Variants in DEPTOR observed in about 807,000 individuals in gnomAD.
The protein encoded by DEPTOR is DEP domain-containing mTOR-interacting protein.
In DEPTOR, 41 loss-of-function variants were observed where a neutral mutation model predicts 41.6. The observed-to-expected ratio is 0.98, with a 90% CI of 0.77 to 1.28. DEPTOR has a LOEUF of 1.28. DEPTOR is among the 50% of genes most tolerant of loss of function. The pLI, the probability that DEPTOR is intolerant of heterozygous loss-of-function variation, is 0.00. For missense variants in DEPTOR, 514 were observed against 527.9 expected, an observed-to-expected ratio of 0.97 and a Z score of 0.26; for synonymous variants, 195 against 192.3, an observed-to-expected ratio of 1.01 and a Z score of -0.12.
At chr8:119,978,836 C>A (rs1828728240) in intron 4 of DEPTOR, among the ~76,000 whole-genome samples, 1 of 152,204 alleles carries the variant, frequency 6.6e-6, no homozygotes, top group Non-Finnish European at 1.5e-5. Flanking sequence ...GAGCCGCTCA[C>A]TATAATTCAG....
intron 3 of DEPTOR, among the ~76,000 whole-genome samples, chr8:119,939,834 G>A (rs541797588): frequency 5.9e-4 from 90 of 152,250 alleles, no homozygotes; most frequent in South Asian, 2.9e-3. Context: ...AGTAAGTGGG[G>A]AAATTAGAAC....
chr8:119,931,749 G>T (rs1190834047), intron 3 of DEPTOR, among the ~76,000 whole-genome samples: 1 of 152,050 alleles, frequency 6.6e-6, no homozygotes, highest in Non-Finnish European at 1.5e-5. Flanking sequence ...ACCTCCATTT[G>T]TTTACTTGAA....
At chr8:120,011,019 C>T (rs778769379) in intron 8 of DEPTOR, among the ~76,000 whole-genome samples, 4 of 152,094 alleles carry the variant, frequency 2.6e-5, no homozygotes, top group African/African-American at 4.8e-5. Flanking sequence ...AAGATCATTC[C>T]CCTGTTCATT....
chr8:119,995,518 G>A (rs1475734069), intron 4 of DEPTOR, among the ~76,000 whole-genome samples: 3 of 151,612 alleles, frequency 2.0e-5, no homozygotes, highest in African/African-American at 4.8e-5. Context: ...CCCAGGAGGC[G>A]GAGGTTGCAG....
chr8:119,902,923 GT>G (rs34627910), intron 1 of DEPTOR, among the ~76,000 whole-genome samples: 32,880 of 151,950 alleles, frequency 0.22, 4,098 homozygotes, highest in African/African-American at 0.32. Flanking sequence ...AAATTTCAGG[GT>G]TTTTAGACAC....
chr8:120,003,441 A>T (rs967080724), intron 6 of DEPTOR, among the ~76,000 whole-genome samples: 1 of 152,058 alleles, frequency 6.6e-6, no homozygotes, highest in African/African-American at 2.4e-5. Flanking sequence ...TGCCCCTGGG[A>T]GGAGGGCATG....
chr8:120,014,393 G>A (rs1410432217), intron 8 of DEPTOR, among the ~76,000 whole-genome samples: 1 of 152,096 alleles, frequency 6.6e-6, no homozygotes, highest in Non-Finnish European at 1.5e-5. Context: ...AGGCTCTTTC[G>A]CTACAGGAGC....
rs779915043 is a variant in DEPTOR at position 119,873,980 on chromosome 8, G to A, written c.122+12G>A. ...GGGGAACAGCTACGGTAAGGCAAGA[G>A]ACACAGCGGGTGAGCTCACGATGGC... On this transcript the variant is annotated intron_variant, in intron 1 of 8. Coordinates refer to ENST00000286234, the MANE Select transcript of DEPTOR (RefSeq NM_022783.4). 4 of 1,613,204 alleles carry A rather than the reference G, an allele frequency of 2.5e-6. No homozygotes were observed. The South Asian group carries it at 4.4e-5, about 18-fold the overall frequency.
intron 4 of DEPTOR, among the ~76,000 whole-genome samples, chr8:119,988,729 C>G (rs185228245): frequency 3.3e-5 from 5 of 152,056 alleles, no homozygotes; most frequent in Non-Finnish European, 5.9e-5. Context: ...GCGAACTGCC[C>G]GCCTCGGGTC....
chr8:119,879,818 T>A (rs1310059397), intron 1 of DEPTOR, among the ~76,000 whole-genome samples: 1 of 152,064 alleles, frequency 6.6e-6, no homozygotes, highest in Non-Finnish European at 1.5e-5. Context: ...AAGACCAGCC[T>A]GACCAACATG....
intron 1 of DEPTOR, among the ~76,000 whole-genome samples, chr8:119,904,687 G>T (rs560372671): frequency 6.6e-6 from 1 of 151,114 alleles, no homozygotes; most frequent in African/African-American, 2.4e-5. Flanking sequence ...GTAGAGACGG[G>T]GTTTCACCAT....
chr8:119,996,635 A>C (rs970974651), intron 4 of DEPTOR, among the ~76,000 whole-genome samples: 2 of 152,246 alleles, frequency 1.3e-5, no homozygotes, highest in African/African-American at 2.4e-5. Flanking sequence ...GAGGAGATAC[A>C]TAATTAGGTC....
intron 1 of DEPTOR, among the ~76,000 whole-genome samples, chr8:119,922,292 T>C (rs1185393501): frequency 1.3e-5 from 2 of 152,114 alleles, no homozygotes; most frequent in Non-Finnish European, 2.9e-5. Flanking sequence ...TTGGAAAGTT[T>C]ACAGGAGCTA....
intron 1 of DEPTOR, among the ~76,000 whole-genome samples, chr8:119,904,796 C>T (rs72673616): frequency 0.069 from 10,467 of 151,228 alleles, 636 homozygotes; most frequent in South Asian, 0.17. Context: ...TTGCACCCCG[C>T]CTTTATTTTT....
At chr8:119,913,375 C>G (rs913341889) in intron 1 of DEPTOR, among the ~76,000 whole-genome samples, 2 of 152,176 alleles carry the variant, frequency 1.3e-5, no homozygotes, top group African/African-American at 4.8e-5. Flanking sequence ...GGGGCAATGA[C>G]AAAAGTTGTT....
chr8:120,014,521 C>T (rs1014945520), intron 8 of DEPTOR, among the ~76,000 whole-genome samples: 1 of 152,048 alleles, frequency 6.6e-6, no homozygotes, highest in African/African-American at 2.4e-5. Context: ...GTTCCTTCCC[C>T]AAGCTATTTT....
chr8:119,959,158 CTTTTTTTT>C (rs60202859), intron 3 of DEPTOR, among the ~76,000 whole-genome samples: 190 of 114,852 alleles, frequency 1.7e-3, no homozygotes, highest in South Asian at 4.0e-3. Flanking sequence ...TTCTTTCTTT[CTTTTTTTT>C]TTTTTTTTTT....
At chr8:119,920,084 T>G (rs1315132918) in intron 1 of DEPTOR, among the ~76,000 whole-genome samples, 1 of 146,198 alleles carries the variant, frequency 6.8e-6, no homozygotes, top group Non-Finnish European at 1.5e-5. Context: ...CTGAGATGAA[T>G]AATAGGAAGG....
At chr8:119,991,914 T>A (rs968676143) in intron 4 of DEPTOR, among the ~76,000 whole-genome samples, 8 of 152,336 alleles carry the variant, frequency 5.3e-5, no homozygotes, top group Non-Finnish European at 1.2e-4. Flanking sequence ...TCTGTCAGAC[T>A]GTGATCTAGC....
Sources: allele counts gnomAD v4.1 joint callset (sites outside exome capture counted in the v4.1 genomes callset), GRCh38; gene constraint gnomAD v4.1.1; transcripts MANE v1.5; gene names NCBI Gene and HGNC (gene_info 2026-07-23, HGNC 2026-07-21).